WNK2: variants seen among roughly 807,000 people sequenced by gnomAD.
WNK2 encodes the protein serine/threonine-protein kinase WNK2.
WNK2 carries 67 observed loss-of-function variants against 192.1 expected under a neutral mutation model. That is an observed-to-expected ratio of 0.35 (90% confidence interval 0.29 to 0.43). The LOEUF (loss-of-function observed/expected upper bound fraction) is 0.43. Ranked by LOEUF, WNK2 falls within the 20% of genes least tolerant of loss-of-function variation. WNK2 has a pLI of 1.00. For missense variants in WNK2, 2,698 were observed against 3,089.7 expected (o/e 0.87, Z 3.01); for synonymous variants, 1,439 against 1,393.9 (o/e 1.03, Z -0.72).
intron 28 of WNK2, among the ~76,000 whole-genome samples, chr9:93,314,853 T>A (rs1290762716): frequency 6.6e-6 from 1 of 152,020 alleles, no homozygotes; most frequent in East Asian, 1.9e-4. Flanking sequence ...GCAGGAGCAT[T>A]GTCGTGATGG....
chr9:93,274,685 G>A (rs1269839119), intron 19 of WNK2, among the ~76,000 whole-genome samples: 1 of 152,034 alleles, frequency 6.6e-6, no homozygotes, highest in Non-Finnish European at 1.5e-5. Flanking sequence ...TTCCTCAAAA[G>A]CCATAAACTA....
intron 19 of WNK2, among the ~76,000 whole-genome samples, chr9:93,276,808 CG>C (rs1294675700): frequency 1.3e-5 from 2 of 152,048 alleles, no homozygotes; most frequent in Non-Finnish European, 2.9e-5. Context: ...GAGGCCAAGG[CG>C]GGTGGATCAT....
rs139764590 is a variant in WNK2, at chr9:93,261,930, C to T, written c.3183C>T (p.Ala1061=). 8.7e-5 allele frequency: 140 copies of T among 1,609,522 alleles called. No individual in the cohort carries two copies. Among genetic ancestry groups the T allele is most frequent in the Middle Eastern group, 1.7e-4 (1 of 6,034 alleles). ...SPPLPEVLLP[A]APELLPQFPS... ...CTCTGCCGGAAGTGCTGCTGCCTGC[C>T]GCCCCTGAGCTCCTGCCTCAGTTCC... The change falls in exon 13 of 30, where the codon GCC becomes GCT. Residue 1061 remains alanine (A), a synonymous_variant. Transcript: ENST00000427277.
At chr9:93,184,501 C>A (rs964616374) in intron 1 of WNK2, among the ~76,000 whole-genome samples, 116 bp downstream of exon 1, 1 of 151,840 alleles carries the variant, frequency 6.6e-6, no homozygotes, top group Non-Finnish European at 1.5e-5. Context: ...TTTGTGGAGC[C>A]GCCGCCGGGC....
At chr9:93,190,870 A>G in intron 2 of WNK2, among the ~76,000 whole-genome samples, 1 of 152,180 alleles carries the variant, frequency 6.6e-6, no homozygotes, top group East Asian at 1.9e-4. Context: ...TCCAGAGGAT[A>G]TAACAGACCC....
intron 2 of WNK2, among the ~76,000 whole-genome samples, chr9:93,188,267 G>A (rs1444306373): frequency 6.6e-6 from 1 of 152,228 alleles, no homozygotes; most frequent in Non-Finnish European, 1.5e-5. Flanking sequence ...GAACTGAGAG[G>A]CGCCAGTGGG....
At chr9:93,296,144 T>A (rs1339220591) in intron 23 of WNK2, among the ~76,000 whole-genome samples, 2 of 37,324 alleles carry the variant, frequency 5.4e-5, no homozygotes, top group Non-Finnish European at 9.9e-5. Context: ...TCCCCTCTCC[T>A]TCCTCCCCTC....
intron 7 of WNK2, 149 bp downstream of exon 7, chr9:93,240,125 C>A: frequency 1.2e-6 from 1 of 850,314 alleles, no homozygotes; most frequent in Non-Finnish European, 1.8e-6. Context: ...CAGGTGTGGG[C>A]AGCTGAGGTC....
chr9:93,202,325 C>CGTGTGTGTGTGTGTGTGTGTGTGTGTGT (rs761769543), intron 2 of WNK2, among the ~76,000 whole-genome samples: 2 of 130,564 alleles, frequency 1.5e-5, no homozygotes, highest in Admixed American at 7.8e-5. Flanking sequence ...TCCGTGTGCA[C>CGTGTGTGTGTGTGTGTGTGTGTGTGTGT]GTGTGTGTGT....
Position 93,214,784 on chromosome 9 carries a change from AG to A in WNK2, c.682-14910del, listed in dbSNP as rs1371046471. ...AGGAGTTTTATACTGTAATATGCCC[AG>A]GTGTGGCTTTCTTTGTATCTAATCT... On this transcript the variant is annotated intron_variant, in intron 2 of 29. Coordinates refer to ENST00000427277, the MANE Select transcript of WNK2 (RefSeq NM_006648.4). Among the ~76,000 whole-genome samples the A allele has an allele frequency of 2.8e-5, 4 of 141,484 alleles. No homozygotes were observed. In the East Asian group the frequency reaches 8.4e-4, roughly 30 times the overall value. 92.8% of individuals were successfully genotyped at this position (141,484 alleles called of 152,430 possible). A position where few individuals can be genotyped will look rare whatever the true frequency, so the allele number is the denominator to read the frequency against.
At chr9:93,248,246 C>A (rs1276179419) in intron 8 of WNK2, among the ~76,000 whole-genome samples, 1 of 152,242 alleles carries the variant, frequency 6.6e-6, no homozygotes, top group East Asian at 1.9e-4. Context: ...AGGGTGTGGA[C>A]CCTAGGTATG....
chr9:93,271,132 C>A (rs1048793848), intron 19 of WNK2, among the ~76,000 whole-genome samples: 6 of 152,136 alleles, frequency 3.9e-5, no homozygotes, highest in Admixed American at 3.9e-4. Flanking sequence ...AATGAGTAGA[C>A]CTCGCCCAGG....
chr9:93,197,678 A>C (rs772597644), intron 2 of WNK2, among the ~76,000 whole-genome samples: 2 of 152,120 alleles, frequency 1.3e-5, no homozygotes, highest in African/African-American at 4.8e-5. Context: ...GTACACCACC[A>C]TGCCCAGCTA....
intron 19 of WNK2, among the ~76,000 whole-genome samples, chr9:93,277,887 A>G (rs1847177740): frequency 6.6e-6 from 1 of 152,252 alleles, no homozygotes; most frequent in African/African-American, 2.4e-5. Flanking sequence ...GACCAGGCAG[A>G]TAATGAGACA....
chr9:93,239,117 C>T lies in WNK2; in HGVS notation c.1323-640C>T, dbSNP rs61261989. Reference sequence around the variant, plus strand: ...GGCTTCTTTGGGTGGCCAAGCCCTGCAGAGCCCCGAAGTGGTCACCATGGC... The same window carrying T: ...GGCTTCTTTGGGTGGCCAAGCCCTGTAGAGCCCCGAAGTGGTCACCATGGC... On this transcript the variant is annotated intron_variant, in intron 6 of 29. Coordinates refer to ENST00000427277, the MANE Select transcript of WNK2 (RefSeq NM_006648.4). The surrounding 1 kb of genome is among the most constrained non-coding windows in gnomAD (Gnocchi z 4.2). Among the ~76,000 whole-genome samples, 335 of 152,360 alleles carry T rather than the reference C, an allele frequency of 2.2e-3. 1 individual carries two copies. Among genetic ancestry groups the T allele is most frequent in the Middle Eastern group, 0.01 (3 of 294 alleles).
Position 93,256,954 on chromosome 9 carries a change from C to T in WNK2, c.2197C>T (p.Pro733Ser), listed in dbSNP as rs1215005695. The change falls in exon 11 of 30, where the codon CCG becomes TCG. Residue 733 changes from proline to serine, a missense_variant. By Grantham distance (74) the Pro-to-Ser change is moderately conservative. Around this residue, in one of 7 missense-constraint regions of WNK2, gnomAD observed 893 missense variants for 909.0 expected, o/e 0.98. Transcript: ENST00000427277. ...QPAPPGQQPPPLAQPTPLPQV... is the reference protein window; with the variant it reads ...QPAPPGQQPPSLAQPTPLPQV... ...CTACCTTCTCTCCCTCTAGCCTCCT[C>T]CGCTGGCCCAGCCGACACCCCTGCC... 3 of 1,564,764 alleles carry T rather than the reference C, an allele frequency of 1.9e-6. No individual in the cohort carries two copies. The African/African-American group carries it at 4.1e-5, about 21-fold the overall frequency.
chr9:93,273,479 A>T (rs2133367810), intron 19 of WNK2, among the ~76,000 whole-genome samples: 1 of 152,328 alleles, frequency 6.6e-6, no homozygotes, highest in Admixed American at 6.5e-5. Flanking sequence ...TAAAGAGTAA[A>T]TTCCTCAAAG....
chr9:93,204,859 G>C (rs1237912228), intron 2 of WNK2, among the ~76,000 whole-genome samples: 1 of 152,212 alleles, frequency 6.6e-6, no homozygotes, highest in African/African-American at 2.4e-5. Context: ...CCTTGGGGCT[G>C]TGTGTTTGGT....
intron 17 of WNK2, 44 bp from the exon 18 acceptor site, chr9:93,267,976 G>T: frequency 2.5e-6 from 4 of 1,605,920 alleles, no homozygotes; most frequent in Non-Finnish European, 3.4e-6. Context: ...GCAGGTGGGC[G>T]CTGCAGCTCA....
Sources: allele counts gnomAD v4.1 joint callset (sites outside exome capture counted in the v4.1 genomes callset), GRCh38; gene constraint gnomAD v4.1.1; regional missense constraint gnomAD v4.1.1; non-coding constraint Gnocchi (gnomAD v3.1); transcripts MANE v1.5; gene names NCBI Gene and HGNC (gene_info 2026-07-23, HGNC 2026-07-21).